The following B3GALT1 variants were observed in gnomAD, a reference collection of about 807,000 sequenced individuals.
B3GALT1 encodes beta-1,3-galactosyltransferase 1.
Under a neutral mutation model 23.2 loss-of-function variants are expected in B3GALT1, and 10 were observed. The observed-to-expected ratio is 0.43, with a 90% CI of 0.27 to 0.73. The LOEUF (loss-of-function observed/expected upper bound fraction) is 0.73, where lower values mean the gene tolerates loss of function less well. Among genes scored for constraint, B3GALT1 ranks in the 30% least tolerant of loss-of-function variants. The pLI, the probability that B3GALT1 is intolerant of heterozygous loss-of-function variation, is 0.21. For synonymous variants in B3GALT1, 156 were observed against 141.5 expected, an observed-to-expected ratio of 1.10 and a Z score of -0.73; for missense variants, 299 against 405.4, an observed-to-expected ratio of 0.74 and a Z score of 2.25.
At chr2:167,410,862 G>T (rs1698379658) in intron 1 of B3GALT1, among the ~76,000 whole-genome samples, 1 of 151,972 alleles carries the variant, frequency 6.6e-6, no homozygotes, top group Non-Finnish European at 1.5e-5. Context: ...TTCTTATACA[G>T]GTCATTAAGA....
chr2:167,575,174 A>G (rs1296362609), intron 2 of B3GALT1, among the ~76,000 whole-genome samples: 1 of 151,828 alleles, frequency 6.6e-6, no homozygotes, highest in East Asian at 1.9e-4. Flanking sequence ...GTAAATATGA[A>G]GAAGAATAGC....
intron 3 of B3GALT1, among the ~76,000 whole-genome samples, chr2:167,742,041 C>T (rs13424531): frequency 0.12 from 17,603 of 152,152 alleles, 1,255 homozygotes; most frequent in East Asian, 0.31. Flanking sequence ...CAGACTCTAA[C>T]GACTCCAAAT....
intron 4 of B3GALT1, among the ~76,000 whole-genome samples, chr2:167,851,010 C>CA (rs373375984): frequency 4.0e-4 from 60 of 151,872 alleles, no homozygotes; most frequent in African/African-American, 1.4e-3. Flanking sequence ...ATATAAGATA[C>CA]AAAAAAAGCA....
At chr2:167,772,611 A>C (rs756133157) in intron 3 of B3GALT1, among the ~76,000 whole-genome samples, 3 of 152,252 alleles carry the variant, frequency 2.0e-5, no homozygotes, top group Admixed American at 1.3e-4. Context: ...TTGGTGAATC[A>C]GTAATGTTCC....
At chr2:167,298,304 C>T (rs557817594) in intron 1 of B3GALT1, among the ~76,000 whole-genome samples, 14 of 152,130 alleles carry the variant, frequency 9.2e-5, no homozygotes, top group South Asian at 4.1e-4. Flanking sequence ...TATTTGTTAA[C>T]GATGAAGTAT....
chr2:167,660,189 G>GT, intron 3 of B3GALT1, among the ~76,000 whole-genome samples: 1 of 151,936 alleles, frequency 6.6e-6, no homozygotes, highest in East Asian at 1.9e-4. Context: ...ATTGAGAGCT[G>GT]TATCTTTTCA....
chr2:167,759,120 G>A (rs554067784), intron 3 of B3GALT1, among the ~76,000 whole-genome samples: 2 of 152,312 alleles, frequency 1.3e-5, no homozygotes, highest in South Asian at 4.1e-4. Flanking sequence ...TGTGCAAGAC[G>A]TAGAGGAGAG....
intron 1 of B3GALT1, among the ~76,000 whole-genome samples, chr2:167,317,727 A>C (rs540689116): frequency 8.5e-5 from 13 of 152,228 alleles, no homozygotes; most frequent in Admixed American, 7.2e-4. Flanking sequence ...TTTTATACAA[A>C]AGGTCGCTGC....
intron 2 of B3GALT1, among the ~76,000 whole-genome samples, chr2:167,581,583 A>C (rs1260978651): frequency 1.3e-5 from 2 of 152,244 alleles, no homozygotes; most frequent in East Asian, 3.9e-4. Flanking sequence ...TCTTGTGAAC[A>C]AGTGTTTTCT....
At chr2:167,457,711 G>C (rs1158851047) in intron 1 of B3GALT1, among the ~76,000 whole-genome samples, 1 of 152,068 alleles carries the variant, frequency 6.6e-6, no homozygotes, top group Non-Finnish European at 1.5e-5. Context: ...CATCTTGACT[G>C]AATCACTGGG....
chr2:167,368,903 G>A (rs182867419), intron 1 of B3GALT1, among the ~76,000 whole-genome samples: 1 of 151,632 alleles, frequency 6.6e-6, no homozygotes, highest in African/African-American at 2.4e-5. Flanking sequence ...CCCCCCCCAT[G>A]TGAGTATTCC....
intron 1 of B3GALT1, among the ~76,000 whole-genome samples, chr2:167,324,289 A>G (rs1192753516): frequency 6.6e-6 from 1 of 151,878 alleles, no homozygotes; most frequent in Non-Finnish European, 1.5e-5. Context: ...TTATAATAAT[A>G]TTTATTTAAA....
chr2:167,540,586 TTTCTG>T (rs1313659315), intron 2 of B3GALT1, among the ~76,000 whole-genome samples: 10 of 152,322 alleles, frequency 6.6e-5, no homozygotes, highest in African/African-American at 2.4e-4. Flanking sequence ...TGGTGCTTAC[TTTCTG>T]TTCTATCTTA....
At chr2:167,363,415 C>A (rs12620530) in intron 1 of B3GALT1, among the ~76,000 whole-genome samples, 125,225 of 151,874 alleles carry the variant, frequency 0.82, 52,882 homozygotes, top group East Asian at 0.92. Flanking sequence ...TTCACACACA[C>A]AAAAGATACC....
intron 3 of B3GALT1, among the ~76,000 whole-genome samples, chr2:167,756,586 G>T (rs1687822623): frequency 6.6e-6 from 1 of 152,302 alleles, no homozygotes; most frequent in East Asian, 1.9e-4. Flanking sequence ...GCTACCCGGG[G>T]AATGGAATTT....
chr2:167,627,310 A>G (rs1730709), intron 2 of B3GALT1, among the ~76,000 whole-genome samples: 5,352 of 151,826 alleles, frequency 0.035, 308 homozygotes, highest in African/African-American at 0.12. Context: ...ATGCTCCTTT[A>G]TAATCAGTCT....
intron 1 of B3GALT1, among the ~76,000 whole-genome samples, chr2:167,379,189 A>G (rs1184772205): frequency 6.6e-6 from 1 of 152,126 alleles, no homozygotes; most frequent in Non-Finnish European, 1.5e-5. Context: ...GAATGAACAC[A>G]CAAGGAACTA....
chr2:167,551,048 T>G (rs1214297393), intron 2 of B3GALT1, among the ~76,000 whole-genome samples: 1 of 133,600 alleles, frequency 7.5e-6, no homozygotes, highest in Non-Finnish European at 1.5e-5. Context: ...ATGGTGGTGA[T>G]GTCGGATTGC....
At chr2:167,433,495 G>A (rs1017902856) in intron 1 of B3GALT1, among the ~76,000 whole-genome samples, 6 of 152,116 alleles carry the variant, frequency 3.9e-5, no homozygotes, top group African/African-American at 1.4e-4. Context: ...AGAATACATA[G>A]GATAAGAGTT....
Sources: allele counts gnomAD v4.1 joint callset (sites outside exome capture counted in the v4.1 genomes callset), GRCh38; gene constraint gnomAD v4.1.1; transcripts MANE v1.5; gene names NCBI Gene and HGNC (gene_info 2026-07-23, HGNC 2026-07-21).